The following MYRFL variants were observed in gnomAD, a reference collection of about 807,000 sequenced individuals.
The protein encoded by MYRFL is myelin regulatory factor-like protein.
A neutral mutation model predicts 109.4 loss-of-function variants in MYRFL; 88 were observed. The observed-to-expected ratio is 0.80, with a 90% CI of 0.68 to 0.96. The LOEUF (loss-of-function observed/expected upper bound fraction) is 0.96, where lower values mean the gene tolerates loss of function less well. Ranked by LOEUF, MYRFL falls within the 40% of genes least tolerant of loss-of-function variation. The pLI, the probability that MYRFL is intolerant of heterozygous loss-of-function variation, is 0.00. For missense variants in MYRFL, 957 were observed against 954.9 expected (o/e 1.00, Z -0.03); for synonymous variants, 324 against 320.9 (o/e 1.01, Z -0.10).
intron 5 of MYRFL, among the ~76,000 whole-genome samples, chr12:69,882,936 C>G (rs1196104100): frequency 6.6e-6 from 1 of 152,198 alleles, no homozygotes; most frequent in Non-Finnish European, 1.5e-5. Flanking sequence ...TTCCCAGAGC[C>G]TTATTTTTCT....
At chr12:69,826,616 A>G (rs1437620404) in intron 1 of MYRFL, among the ~76,000 whole-genome samples, 1 of 151,958 alleles carries the variant, frequency 6.6e-6, no homozygotes. Flanking sequence ...GTCCTTGTTT[A>G]TACTATTTTT....
intron 1 of MYRFL, among the ~76,000 whole-genome samples, chr12:69,851,171 C>A (rs911443443): frequency 6.6e-6 from 1 of 152,092 alleles, no homozygotes; most frequent in African/African-American, 2.4e-5. Context: ...TTTGAAAAAT[C>A]TAAAAAGACA....
At position 69,895,381 on chromosome 12, in the gene MYRFL, C is replaced by G. The variant is rs1420412043; in HGVS notation, c.991C>G (p.Leu331Val). 10 of 1,531,766 alleles carry G rather than the reference C, an allele frequency of 6.5e-6. No homozygotes were observed. Among genetic ancestry groups the G allele is most frequent in the Non-Finnish European group, 8.7e-6 (10 of 1,143,660 alleles). 94.9% of individuals were successfully genotyped at this position (1,531,766 alleles called of 1,614,324 possible). A position where few individuals can be genotyped will look rare whatever the true frequency, so the allele number is the denominator to read the frequency against. The change falls in exon 9 of 25, where the codon CTG (leucine) becomes GTG (valine). Residue 331 changes from leucine (L) to valine (V), a missense_variant. By Grantham distance (32) the Leu-to-Val change is conservative (BLOSUM62 1). Coordinates refer to ENST00000552032, the MANE Select transcript of MYRFL (RefSeq NM_182530.3). The part of the protein sequence containing the change: ...KIFNPVKIDL[L>V]ADQVTKVTLG... ...TGCTGTTTGTTTTAGAATTGACCTA[C>G]TGGCTGACCAGGTCACCAAAGTAAC... is the stretch of plus-strand genomic sequence containing the variant.
chr12:69,885,107 C>CT (rs1056461490), intron 5 of MYRFL, among the ~76,000 whole-genome samples: 4 of 151,974 alleles, frequency 2.6e-5, no homozygotes, highest in African/African-American at 7.2e-5. Context: ...GGGTTTCTTT[C>CT]TTTTTTTTAA....
At chr12:69,861,396 C>T (rs1884654251) in intron 2 of MYRFL, among the ~76,000 whole-genome samples, 1 of 152,190 alleles carries the variant, frequency 6.6e-6, no homozygotes, top group Non-Finnish European at 1.5e-5. Flanking sequence ...TCTCCACATC[C>T]TCTCCAGCAT....
In MYRFL at chr12:69,845,808, AAAC is replaced by A. The variant is rs1350628442; in HGVS notation, c.47-9471_47-9469del. On this transcript the variant is annotated intron_variant, in intron 1 of 24. Coordinates refer to ENST00000552032, the MANE Select transcript of MYRFL (RefSeq NM_182530.3). The stretch of plus-strand genomic sequence containing the variant: ...GGGAAAAGCGAAAAAAAAAAAAAAA[AAAC>A]CTTGTTATTTCAGGTTCTACAGATG... Among the ~76,000 whole-genome samples the A allele has an allele frequency of 4.9e-5, 7 of 142,748 alleles. No homozygotes were observed. The East Asian group carries it at 1.0e-3, about 21-fold the overall frequency. 93.6% of individuals were successfully genotyped at this position (142,748 alleles called of 152,430 possible). A position where few individuals can be genotyped will look rare whatever the true frequency, so the allele number is the denominator to read the frequency against.
chr12:69,858,902 T>A (rs182333216), intron 2 of MYRFL, among the ~76,000 whole-genome samples: 2 of 152,102 alleles, frequency 1.3e-5, no homozygotes, highest in East Asian at 1.9e-4. Flanking sequence ...TTTGCTCTTA[T>A]TTTTCTAGTT....
In MYRFL at chr12:69,865,222, A is replaced by G. The variant is rs77191025; in HGVS notation, c.137+9852A>G. Among the ~76,000 whole-genome samples the G allele has an allele frequency of 6.3e-3, 967 of 152,286 alleles. 8 individuals carry two copies. Among genetic ancestry groups the G allele is most frequent in the Non-Finnish European group, 0.011 (748 of 68,014 alleles). On this transcript the variant is annotated intron_variant, in intron 2 of 24. Coordinates refer to ENST00000552032, the MANE Select transcript of MYRFL (RefSeq NM_182530.3). ...GAAACCCAGAGACTCAGGGAAAACT[A>G]TTTTTATTTTTATGCTTGGGTTCAA...
intron 10 of MYRFL, among the ~76,000 whole-genome samples, chr12:69,901,009 T>C (rs1954165205): frequency 6.6e-6 from 1 of 152,158 alleles, no homozygotes; most frequent in Non-Finnish European, 1.5e-5. Context: ...TTTCACTTAA[T>C]CCCACAATAA....
intron 19 of MYRFL, among the ~76,000 whole-genome samples, chr12:69,943,313 TG>T (rs1471968404): frequency 6.7e-6 from 1 of 149,342 alleles, no homozygotes; most frequent in Non-Finnish European, 1.5e-5. Flanking sequence ...CAAAACAGCA[TG>T]GTACTGGTAC....
chr12:69,938,065 C>T (rs139770291), intron 19 of MYRFL, among the ~76,000 whole-genome samples: 2,479 of 152,218 alleles, frequency 0.016, 35 homozygotes, highest in South Asian at 0.035. Context: ...CTCATGAAAA[C>T]TATTTTTGAT....
chr12:69,863,145 G>C (rs535525485), intron 2 of MYRFL, among the ~76,000 whole-genome samples: 4 of 151,858 alleles, frequency 2.6e-5, no homozygotes, highest in South Asian at 2.1e-4. Context: ...TGCTGGATTC[G>C]GTTTGCCAGT....
chr12:69,921,199 A>G (rs1954899965), intron 13 of MYRFL, among the ~76,000 whole-genome samples: 1 of 152,140 alleles, frequency 6.6e-6, no homozygotes, highest in Non-Finnish European at 1.5e-5. Context: ...AATGAATCCA[A>G]GCTTCTTTAA....
chr12:69,856,929 G>A (rs771802939), intron 2 of MYRFL, among the ~76,000 whole-genome samples: 11 of 151,384 alleles, frequency 7.3e-5, no homozygotes, highest in Non-Finnish European at 1.3e-4. Flanking sequence ...TTTCTTATAT[G>A]ACTTACGGTT....
In MYRFL at chr12:69,903,716, G is replaced by A; in HGVS notation, c.1255G>A (p.Val419Ile). The change falls in exon 11 of 25, where the codon GTC becomes ATC. Residue 419 changes from valine to isoleucine, a missense_variant. Coordinates refer to ENST00000552032, the MANE Select transcript of MYRFL (RefSeq NM_182530.3). ...WQRGQVPESI[V>I]CHGRVGINTD... is the part of the protein sequence containing the mutation. The stretch of plus-strand genomic sequence containing the variant: ...GCGAGGACAAGTTCCAGAATCTATT[G>A]TCTGTCACGGTCGAGTAGGAATCAA... 6.5e-7 allele frequency: 1 copy of A among 1,535,858 alleles called. No individual in the cohort carries two copies.
At chr12:69,875,695 C>G (rs1169831277) in intron 2 of MYRFL, among the ~76,000 whole-genome samples, 1 of 152,128 alleles carries the variant, frequency 6.6e-6, no homozygotes, top group African/African-American at 2.4e-5. Context: ...ACTGCACAGG[C>G]GAGGGGGATC....
chr12:69,948,528 T>C (rs1422714485), intron 19 of MYRFL, among the ~76,000 whole-genome samples: 4 of 152,200 alleles, frequency 2.6e-5, no homozygotes, highest in Admixed American at 6.5e-5. Context: ...ACACACAGGA[T>C]AGAGAAGTCC....
intron 10 of MYRFL, among the ~76,000 whole-genome samples, chr12:69,903,319 GAT>G (rs1954249305): frequency 3.3e-5 from 5 of 152,176 alleles, no homozygotes; most frequent in Admixed American, 3.3e-4. Flanking sequence ...TTCCTGGAAA[GAT>G]AGCCATTTTT....
chr12:69,878,242 C>CAAAAAAAAAAAAAAAAA lies in MYRFL; in HGVS notation c.138-784_138-768dup, dbSNP rs60069243. Reference sequence around the variant, plus strand: ...TGGGTAACAGAGCAAGACTCCATCTCAAAAAAAAAAAAAAAAAATTACTTG... The same window carrying CAAAAAAAAAAAAAAAAA: ...TGGGTAACAGAGCAAGACTCCATCTCAAAAAAAAAAAAAAAAAAAAAAAAAAAAAAAAAAATTACTTG... On this transcript the variant is annotated intron_variant, in intron 2 of 24. Coordinates refer to ENST00000552032, the MANE Select transcript of MYRFL (RefSeq NM_182530.3). 2.5e-4 allele frequency among the ~76,000 whole-genome samples: 28 copies of CAAAAAAAAAAAAAAAAA among 112,698 alleles called. No homozygotes were observed. In the East Asian group the frequency reaches 3.3e-3, roughly 13 times the overall value. The allele number at this position is 112,698 out of a possible 152,430, so 73.9% of individuals were successfully genotyped here.
Sources: gnomAD v4.1 joint callset for allele counts (sites outside exome capture counted in the v4.1 genomes callset) on GRCh38, gnomAD v4.1.1 for gene constraint, MANE v1.5 for transcripts, NCBI Gene and HGNC (gene_info 2026-07-23, HGNC 2026-07-21) for gene names.